MTA3: variants seen among roughly 807,000 people sequenced by gnomAD.
MTA3 encodes the protein metastasis-associated protein MTA3.
Under a neutral mutation model 83.5 loss-of-function variants are expected in MTA3, and 34 were observed. That is an observed-to-expected ratio of 0.41 (90% CI 0.31 to 0.54). The LOEUF (loss-of-function observed/expected upper bound fraction) is 0.54. Ranked by LOEUF, MTA3 falls within the 20% of genes least tolerant of loss-of-function variation. The pLI is 0.33. For missense variants in MTA3, 761 were observed against 726.4 expected (o/e 1.05, Z -0.55); for synonymous variants, 303 against 252.7 (o/e 1.20, Z -1.89).
At chr2:42,661,011 C>A (rs1689642597) in intron 8 of MTA3, among the ~76,000 whole-genome samples, 1 of 152,156 alleles carries the variant, frequency 6.6e-6, no homozygotes, top group Non-Finnish European at 1.5e-5. Context: ...TTGTGTACTT[C>A]TGTACAATTA....
At chr2:42,605,138 C>T (rs1337492840) in intron 3 of MTA3, among the ~76,000 whole-genome samples, 4 of 149,668 alleles carry the variant, frequency 2.7e-5, no homozygotes, top group Non-Finnish European at 4.5e-5. Flanking sequence ...CAGAGGGGCT[C>T]CTCACTTCCC....
chr2:42,526,106 G>A (rs1234660564), intron 2 of MTA3, among the ~76,000 whole-genome samples: 1 of 152,052 alleles, frequency 6.6e-6, no homozygotes, highest in Non-Finnish European at 1.5e-5. Context: ...AGAAATAATT[G>A]CCCAGAACCA....
intron 4 of MTA3, among the ~76,000 whole-genome samples, chr2:42,630,763 C>T (rs1395726354): frequency 6.6e-6 from 1 of 151,924 alleles, no homozygotes; most frequent in Admixed American, 6.6e-5. Context: ...AAAATTATAC[C>T]AAGTAAAATA....
At chr2:42,749,658 G>C (rs1669716035) in intron 16 of MTA3, among the ~76,000 whole-genome samples, 1 of 152,036 alleles carries the variant, frequency 6.6e-6, no homozygotes, top group Non-Finnish European at 1.5e-5. Context: ...AGGAGAGACA[G>C]GGTTTTGTCG....
At chr2:42,559,180 A>G (rs1677541425) in intron 2 of MTA3, among the ~76,000 whole-genome samples, 1 of 152,010 alleles carries the variant, frequency 6.6e-6, no homozygotes, top group African/African-American at 2.4e-5. Flanking sequence ...TTCCAAACAC[A>G]TGTCTATAAG....
intron 4 of MTA3, among the ~76,000 whole-genome samples, chr2:42,630,453 C>T (rs573798089): frequency 1.3e-5 from 2 of 152,258 alleles, no homozygotes; most frequent in African/African-American, 4.8e-5. Context: ...GGTGTACTTC[C>T]AGAAATATTC....
Position 42,753,879 on chromosome 2 carries a change from T to G in MTA3, c.*480T>G. 1 of 988,746 alleles carries G rather than the reference T, an allele frequency of 1.0e-6. No homozygotes were observed. Among genetic ancestry groups the G allele is most frequent in the African/African-American group, 1.8e-5 (1 of 56,862 alleles). 61.2% of individuals were successfully genotyped at this position (988,746 alleles called of 1,614,324 possible). On this transcript the variant is annotated 3_prime_UTR_variant, in exon 17 of 17. Coordinates refer to ENST00000405094, the MANE Select transcript of MTA3 (RefSeq NM_001330442.2). ...TTTTCTTAAGAAATGCGCCAGTGTT[T>G]ATGAGGTTCAAGGTATTTCCCTGTC...
chr2:42,545,121 T>TAAAA (rs1572957068), intron 2 of MTA3, among the ~76,000 whole-genome samples: 2 of 152,210 alleles, frequency 1.3e-5, no homozygotes, highest in East Asian at 3.8e-4. Flanking sequence ...CTCATGCTTG[T>TAAAA]AATCTCAGCA....
Position 42,755,894 on chromosome 2 carries a change from C to T in MTA3, c.*2495C>T. The T allele has an allele frequency of 1.0e-6, 1 of 985,496 alleles. No individual in the cohort carries two copies. The highest frequency in any genetic ancestry group is 4.7e-5 in the South Asian group (1 of 21,294). 61.0% of individuals were successfully genotyped at this position (985,496 alleles called of 1,614,324 possible). ...CCCCCTCTGGCTCAGTCATCGCCTGCCCACCCTTCACTTCTTAAAGGTGCG... is the reference window on the plus strand; with the variant it reads ...CCCCCTCTGGCTCAGTCATCGCCTGTCCACCCTTCACTTCTTAAAGGTGCG... On this transcript the variant is annotated 3_prime_UTR_variant, in exon 17 of 17. Transcript: ENST00000405094.
chr2:42,560,185 G>A (rs1033324458), intron 2 of MTA3, among the ~76,000 whole-genome samples: 14 of 151,956 alleles, frequency 9.2e-5, no homozygotes, highest in African/African-American at 3.4e-4. Flanking sequence ...ACCACGCCCG[G>A]CTAATTTTGT....
chr2:42,556,095 A>AC (rs953611038), intron 2 of MTA3, among the ~76,000 whole-genome samples: 7 of 151,512 alleles, frequency 4.6e-5, no homozygotes, highest in Non-Finnish European at 1.0e-4. Context: ...AAACAAACAA[A>AC]AAAAAAAACA....
chr2:42,607,276 C>T (rs1167190261), intron 3 of MTA3, among the ~76,000 whole-genome samples: 1 of 152,170 alleles, frequency 6.6e-6, no homozygotes, highest in East Asian at 1.9e-4. Context: ...TGTGAAGTAC[C>T]TTAAGCGTAT....
chr2:42,601,168 G>T (rs536877787), intron 3 of MTA3, among the ~76,000 whole-genome samples: 3 of 152,310 alleles, frequency 2.0e-5, no homozygotes, highest in South Asian at 2.1e-4. Context: ...GCCTCCCAAA[G>T]TGCTGGGATT....
At chr2:42,724,210 T>C (rs1401170870) in intron 16 of MTA3, among the ~76,000 whole-genome samples, 1 of 150,162 alleles carries the variant, frequency 6.7e-6, no homozygotes, top group African/African-American at 2.4e-5. Flanking sequence ...TCTTTTCCAT[T>C]ATACCACCTC....
intron 8 of MTA3, among the ~76,000 whole-genome samples, chr2:42,661,869 C>A (rs796549397): frequency 1.3e-5 from 2 of 152,094 alleles, no homozygotes; most frequent in African/African-American, 4.8e-5. Flanking sequence ...TTTTTTTCAA[C>A]CATTATAGTT....
intron 2 of MTA3, among the ~76,000 whole-genome samples, chr2:42,560,976 A>G (rs1036512752): frequency 2.0e-5 from 3 of 152,168 alleles, no homozygotes; most frequent in African/African-American, 7.2e-5. Flanking sequence ...GCTTCCCACT[A>G]TATTTAGAAT....
At chr2:42,606,774 C>G (rs1022113707) in intron 3 of MTA3, among the ~76,000 whole-genome samples, 1 of 151,470 alleles carries the variant, frequency 6.6e-6, no homozygotes, top group Non-Finnish European at 1.5e-5. Flanking sequence ...CGCCACTGCA[C>G]CCCAGCCTGG....
chr2:42,522,524 G>A (rs947299676), intron 2 of MTA3, among the ~76,000 whole-genome samples: 10 of 152,098 alleles, frequency 6.6e-5, no homozygotes, highest in Non-Finnish European at 1.3e-4. Flanking sequence ...GACCCAGTGC[G>A]GTGGCTCACG....
intron 9 of MTA3, among the ~76,000 whole-genome samples, chr2:42,685,361 G>A (rs549973319): frequency 6.6e-6 from 1 of 152,130 alleles, no homozygotes; most frequent in Non-Finnish European, 1.5e-5. Context: ...GGAAGATGAA[G>A]AAATAGACAT....
Sources: gnomAD v4.1 joint callset for allele counts (sites outside exome capture counted in the v4.1 genomes callset) on GRCh38, gnomAD v4.1.1 for gene constraint, MANE v1.5 for transcripts, NCBI Gene and HGNC (gene_info 2026-07-23, HGNC 2026-07-21) for gene names.